Variants in NAALADL2 observed in about 807,000 individuals in gnomAD.
The protein encoded by NAALADL2 is N-acetylated alpha-linked acidic dipeptidase like 2.
A neutral mutation model predicts 87.2 loss-of-function variants in NAALADL2; 76 were observed. The observed-to-expected ratio is 0.87, with a 90% CI of 0.72 to 1.05. The LOEUF (loss-of-function observed/expected upper bound fraction) is 1.05, where lower values mean the gene tolerates loss of function less well. Among genes scored for constraint, NAALADL2 ranks in the 50% least tolerant of loss-of-function variants. The pLI is 0.00. For synonymous variants in NAALADL2, 354 were observed against 331.0 expected, an observed-to-expected ratio of 1.07 and a Z score of -0.75; for missense variants, 1,089 against 945.8, an observed-to-expected ratio of 1.15 and a Z score of -1.99.
chr3:175,280,263 T>G (rs577894437), intron 4 of NAALADL2, among the ~76,000 whole-genome samples: 3 of 152,234 alleles, frequency 2.0e-5, no homozygotes, highest in East Asian at 3.9e-4. Flanking sequence ...TTCCTCCATT[T>G]ACACCTTTGA....
chr3:175,403,928 T>C (rs1350173529), intron 5 of NAALADL2, among the ~76,000 whole-genome samples: 4 of 152,118 alleles, frequency 2.6e-5, no homozygotes, highest in Non-Finnish European at 5.9e-5. Flanking sequence ...GTGTTAAACA[T>C]GTTCACAGCT....
intron 3 of NAALADL2, among the ~76,000 whole-genome samples, chr3:174,792,281 A>C (rs1026405543): frequency 7.1e-6 from 1 of 141,022 alleles, no homozygotes; most frequent in Non-Finnish European, 1.5e-5. Flanking sequence ...GGAAGGAGGG[A>C]GGGAAGGAGG....
At chr3:175,454,128 A>G (rs1176353605) in intron 6 of NAALADL2, among the ~76,000 whole-genome samples, 1 of 152,100 alleles carries the variant, frequency 6.6e-6, no homozygotes, top group East Asian at 1.9e-4. Flanking sequence ...TTTAAATGCA[A>G]TCTGATAGTC....
intron 2 of NAALADL2, among the ~76,000 whole-genome samples, chr3:174,570,292 A>G (rs1014732489): frequency 6.6e-6 from 1 of 151,846 alleles, no homozygotes; most frequent in Admixed American, 6.6e-5. Flanking sequence ...TTAGCATTAG[A>G]TTTTTATAAA....
At chr3:174,799,790 A>G (rs945095037) in intron 3 of NAALADL2, among the ~76,000 whole-genome samples, 1 of 152,166 alleles carries the variant, frequency 6.6e-6, no homozygotes, top group Admixed American at 6.5e-5. Flanking sequence ...GGAACTTCCT[A>G]GAGACTTGCT....
At chr3:175,154,734 T>A (rs954373074) in intron 2 of NAALADL2, among the ~76,000 whole-genome samples, 5 of 152,130 alleles carry the variant, frequency 3.3e-5, no homozygotes, top group African/African-American at 4.8e-5. Flanking sequence ...GAATTAATGA[T>A]GGATGTCTTT....
intron 3 of NAALADL2, among the ~76,000 whole-genome samples, chr3:174,822,846 G>C (rs965236414): frequency 8.5e-5 from 13 of 152,084 alleles, no homozygotes; most frequent in Non-Finnish European, 1.2e-4. Context: ...CTCTTACTTT[G>C]TTTAGCCTTT....
intron 2 of NAALADL2, among the ~76,000 whole-genome samples, chr3:174,554,342 T>C (rs916249776): frequency 6.6e-6 from 1 of 152,112 alleles, no homozygotes; most frequent in Non-Finnish European, 1.5e-5. Context: ...AACAGTTTAA[T>C]GGTGAAATTT....
In NAALADL2 at chr3:174,673,075, G is replaced by A. The variant is rs534294949; in HGVS notation, c.-114-64566G>A. ...TAAGTTGACGTGATGTGTTATTAAA[G>A]AAAGAAATAGAGAAAATAAAGAAAA... On this transcript the variant is annotated intron_variant, in intron 2 of 3. Coordinates refer to the NAALADL2 transcript ENST00000434257. Among the ~76,000 whole-genome samples, 13 of 152,124 alleles carry A rather than the reference G, an allele frequency of 8.5e-5. No individual in the cohort carries two copies. In the East Asian group the frequency reaches 2.3e-3, roughly 27 times the overall value.
At chr3:175,079,996 CTCTT>C (rs1717439420) in intron 1 of NAALADL2, among the ~76,000 whole-genome samples, 2 of 148,624 alleles carry the variant, frequency 1.3e-5, no homozygotes, top group African/African-American at 5.1e-5. Flanking sequence ...GATGGAGTCT[CTCTT>C]TGTCACCCAG....
intron 2 of NAALADL2, among the ~76,000 whole-genome samples, chr3:174,736,259 G>A (rs114363109): frequency 3.9e-5 from 6 of 152,142 alleles, no homozygotes; most frequent in East Asian, 3.9e-4. Flanking sequence ...GGCATGTTTC[G>A]GCCCTGTTAG....
chr3:175,138,334 G>A (rs947179381), intron 2 of NAALADL2, among the ~76,000 whole-genome samples: 5 of 152,152 alleles, frequency 3.3e-5, no homozygotes, highest in African/African-American at 9.6e-5. Context: ...TAGAGGTAAA[G>A]AGCCACAACT....
chr3:175,520,231 T>C (rs1214256363), intron 9 of NAALADL2, among the ~76,000 whole-genome samples: 4 of 151,836 alleles, frequency 2.6e-5, no homozygotes, highest in Non-Finnish European at 4.4e-5. Context: ...AATCTTTCAC[T>C]ATTCTTATTA....
At position 175,234,006 on chromosome 3, in the gene NAALADL2, G is replaced by A. The variant is rs569693579; in HGVS notation, c.621G>A (p.Leu207=). The change falls in exon 3 of 14, where the codon TTG becomes TTA. Residue 207 remains leucine (L), a synonymous_variant. Coordinates refer to ENST00000454872, the MANE Select transcript of NAALADL2 (RefSeq NM_207015.3). ...SKKIKTQWTS[L]GLEDVQFVNY... is the part of the protein sequence containing the mutation. ...AGATTAAGACTCAGTGGACCTCTTT[G>A]GGCCTAGAAGATGTACAGTTTGTAA... is the stretch of plus-strand genomic sequence containing the variant. 4 of 1,613,094 alleles carry A rather than the reference G, an allele frequency of 2.5e-6. No homozygotes were observed. Among genetic ancestry groups the A allele is most frequent in the Admixed American group, 3.3e-5 (2 of 59,984 alleles).
intron 2 of NAALADL2, among the ~76,000 whole-genome samples, chr3:175,106,683 G>T (rs1305793860): frequency 1.3e-5 from 2 of 152,002 alleles, no homozygotes; most frequent in African/African-American, 4.8e-5. Context: ...GTTGAGAACT[G>T]TTTGTATGCT....
At chr3:174,652,374 A>G (rs1183401091) in intron 2 of NAALADL2, among the ~76,000 whole-genome samples, 4 of 152,180 alleles carry the variant, frequency 2.6e-5, no homozygotes, top group Non-Finnish European at 5.9e-5. Flanking sequence ...GTTTGTTCTC[A>G]CATTGCTATA....
intron 4 of NAALADL2, among the ~76,000 whole-genome samples, chr3:175,301,939 A>G (rs1340335967): frequency 1.1e-4 from 16 of 152,108 alleles, no homozygotes; most frequent in Non-Finnish European, 5.9e-5. Context: ...TAACTAATTA[A>G]CTCTGCTCTT....
At chr3:174,967,222 T>A (rs962555328) in intron 1 of NAALADL2, among the ~76,000 whole-genome samples, 7 of 152,092 alleles carry the variant, frequency 4.6e-5, no homozygotes, top group African/African-American at 1.2e-4. Flanking sequence ...TCTACTGAGA[T>A]AGAGTTATTT....
intron 1 of NAALADL2, among the ~76,000 whole-genome samples, chr3:174,933,940 T>C (rs1336396139): frequency 6.6e-6 from 1 of 152,208 alleles, no homozygotes. Context: ...TTCTATGGTA[T>C]GTGACTTTAG....
Sources: allele counts gnomAD v4.1 joint callset (sites outside exome capture counted in the v4.1 genomes callset), GRCh38; gene constraint gnomAD v4.1.1; transcripts MANE v1.5; gene names NCBI Gene and HGNC (gene_info 2026-07-23, HGNC 2026-07-21).